Variants in C10orf90 observed in about 807,000 individuals in gnomAD.
The protein encoded by C10orf90 is (E2-independent) E3 ubiquitin-conjugating enzyme FATS.
In C10orf90, 56 loss-of-function variants were observed where a neutral mutation model predicts 62.5. That is an observed-to-expected ratio of 0.90 (90% CI 0.72 to 1.12). C10orf90 has a LOEUF of 1.12. Among genes scored for constraint, C10orf90 ranks in the 50% most tolerant of loss-of-function variants. The pLI is 0.00. For missense variants in C10orf90, 970 were observed against 880.4 expected (o/e 1.10, Z -1.29); for synonymous variants, 386 against 340.4 (o/e 1.13, Z -1.47).
Position 126,504,998 on chromosome 10 carries a change from C to T in C10orf90, c.493G>A (p.Ala165Thr), listed in dbSNP as rs1156892821. 3.1e-6 allele frequency: 5 copies of T among 1,614,074 alleles called. No homozygotes were observed. Among genetic ancestry groups the T allele is most frequent in the East Asian group, 2.2e-5 (1 of 44,874 alleles). The change falls in exon 4 of 10, where the codon GCC becomes ACC. Residue 165 changes from alanine to threonine, a missense_variant. Ala to Thr is a moderately conservative substitution (Grantham distance 58). Coordinates refer to ENST00000488181, the MANE Select transcript of C10orf90 (RefSeq NM_001350921.2). This position sits in a 1 kb window ranked among gnomAD's most constrained non-coding sequence, Gnocchi z 4.1. The part of the protein sequence containing the change: ...IDENKSRENR[A>T]SLPLPCAIAQ... Reference sequence around the variant, plus strand: ...ATGGCACACGGTAGGGGCAAGGAGGCCCTGTTTTCTCTTGACTTATTCTCA... The same window carrying T: ...ATGGCACACGGTAGGGGCAAGGAGGTCCTGTTTTCTCTTGACTTATTCTCA...
chr10:126,596,179 T>C (rs1366421491), intron 2 of C10orf90, among the ~76,000 whole-genome samples: 1 of 149,700 alleles, frequency 6.7e-6, no homozygotes, highest in Non-Finnish European at 1.5e-5. Context: ...AGCACACACC[T>C]GTAGTCTCAG....
chr10:126,543,984 G>A (rs769209016), intron 2 of C10orf90, among the ~76,000 whole-genome samples: 4 of 152,198 alleles, frequency 2.6e-5, no homozygotes, highest in Admixed American at 2.0e-4. Flanking sequence ...GGGCAAGCTG[G>A]CGAGCCCTGT....
intron 6 of C10orf90, among the ~76,000 whole-genome samples, chr10:126,460,891 T>G (rs1007365777): frequency 1.3e-5 from 2 of 152,178 alleles, no homozygotes; most frequent in African/African-American, 4.8e-5. Context: ...TTCTCTGTAT[T>G]TTTTTAAACT....
chr10:126,505,045 A>G lies in C10orf90; in HGVS notation c.446T>C (p.Ile149Thr). Residue 149 changes from isoleucine to threonine, a missense_variant, in exon 4 of 10, where the codon ATA becomes ACA. By Grantham distance (89) the Ile-to-Thr change is moderately conservative. Coordinates refer to ENST00000488181, the MANE Select transcript of C10orf90 (RefSeq NM_001350921.2). ...CTCATCAATCATCTGGGAGATGACTATGGATGAAATCATTTTTGTGTTTTG... is the reference window on the plus strand; with the variant it reads ...CTCATCAATCATCTGGGAGATGACTGTGGATGAAATCATTTTTGTGTTTTG... Reference protein sequence around the residue: ...ASQNTKMISSIVISQMIDENK... With the variant: ...ASQNTKMISSTVISQMIDENK... 6.2e-7 allele frequency: 1 copy of G among 1,612,028 alleles called. No individual in the cohort carries two copies. The highest frequency in any genetic ancestry group is 1.3e-5 in the African/African-American group (1 of 74,942).
At chr10:126,430,160 C>A (rs866540099) in intron 7 of C10orf90, among the ~76,000 whole-genome samples, 7 of 152,076 alleles carry the variant, frequency 4.6e-5, no homozygotes, top group Non-Finnish European at 7.4e-5. Context: ...GAGAAAAGTG[C>A]CAGAGTGCAA....
chr10:126,629,162 C>T (rs999266652), intron 2 of C10orf90, among the ~76,000 whole-genome samples: 12 of 152,164 alleles, frequency 7.9e-5, no homozygotes, highest in African/African-American at 2.2e-4. Flanking sequence ...TGCTCACGAA[C>T]GATGAAGGCT....
At chr10:126,537,734 G>C (rs1031087726) in intron 2 of C10orf90, among the ~76,000 whole-genome samples, 9 of 152,080 alleles carry the variant, frequency 5.9e-5, no homozygotes, top group African/African-American at 2.2e-4. Context: ...GTAATTCCCA[G>C]GTTTCAACTT....
At chr10:126,430,236 C>T (rs1286349621) in intron 7 of C10orf90, among the ~76,000 whole-genome samples, 3 of 152,170 alleles carry the variant, frequency 2.0e-5, no homozygotes, top group Admixed American at 2.0e-4. Flanking sequence ...AAGGAAATCC[C>T]CCACCTATCC....
intron 2 of C10orf90, among the ~76,000 whole-genome samples, chr10:126,607,543 A>G (rs1192099715): frequency 6.6e-6 from 1 of 152,254 alleles, no homozygotes; most frequent in Non-Finnish European, 1.5e-5. Flanking sequence ...TTAAATTAGA[A>G]TTTTGAGAAC....
chr10:126,531,459 C>CAAAAA, intron 2 of C10orf90, among the ~76,000 whole-genome samples: 2 of 152,270 alleles, frequency 1.3e-5, no homozygotes, highest in Admixed American at 1.3e-4. Flanking sequence ...GAAACCCTGA[C>CAAAAA]ATAGACACAA....
At chr10:126,593,179 T>C (rs758447664) in intron 2 of C10orf90, among the ~76,000 whole-genome samples, 2 of 152,192 alleles carry the variant, frequency 1.3e-5, no homozygotes, top group Non-Finnish European at 2.9e-5. Flanking sequence ...AGCAATCCTA[T>C]TCCTGGATAT....
At chr10:126,434,111 G>T (rs1857758620) in intron 7 of C10orf90, among the ~76,000 whole-genome samples, 1 of 152,148 alleles carries the variant, frequency 6.6e-6, no homozygotes, top group Non-Finnish European at 1.5e-5. Context: ...TCAAGCCCTT[G>T]CCTGTGTCAA....
chr10:126,497,322 C>T (rs73371067), intron 4 of C10orf90, among the ~76,000 whole-genome samples: 30,550 of 151,612 alleles, frequency 0.2, 3,098 homozygotes, highest in Middle Eastern at 0.31. Context: ...GAGTAAACAA[C>T]GCAGGGAGGC....
intron 2 of C10orf90, among the ~76,000 whole-genome samples, chr10:126,575,042 C>A (rs955935341): frequency 1.3e-5 from 2 of 151,816 alleles, no homozygotes; most frequent in Non-Finnish European, 1.5e-5. Flanking sequence ...AAAACAGAAG[C>A]ATTAGAAAGG....
At chr10:126,607,218 A>G (rs769897535) in intron 2 of C10orf90, among the ~76,000 whole-genome samples, 1 of 152,196 alleles carries the variant, frequency 6.6e-6, no homozygotes, top group Non-Finnish European at 1.5e-5. Flanking sequence ...GGAAGCCAGG[A>G]AAAGTGTTTT....
intron 4 of C10orf90, among the ~76,000 whole-genome samples, chr10:126,487,687 C>A (rs1048842475): frequency 3.3e-5 from 5 of 151,978 alleles, no homozygotes; most frequent in Non-Finnish European, 7.4e-5. Flanking sequence ...GATGCACCAC[C>A]AAAAGGAACA....
chr10:126,502,844 A>G (rs750280369), intron 4 of C10orf90: 7 of 522,950 alleles, frequency 1.3e-5, no homozygotes, highest in Non-Finnish European at 2.3e-5. Flanking sequence ...TCTGTAAGAC[A>G]TGCATTTCAA....
chr10:126,642,405 G>A (rs1226834944), intron 2 of C10orf90, among the ~76,000 whole-genome samples: 6 of 152,126 alleles, frequency 3.9e-5, no homozygotes, highest in Non-Finnish European at 5.9e-5. Context: ...GGTGGCGGGC[G>A]CCTGTAGTCC....
intron 2 of C10orf90, chr10:126,521,384 T>C (rs965946100): frequency 2.5e-6 from 4 of 1,611,774 alleles, no homozygotes; most frequent in African/African-American, 1.3e-5. Flanking sequence ...CAAGGATGTA[T>C]TTGGCGACAT....
Sources: gnomAD v4.1 joint callset for allele counts (sites outside exome capture counted in the v4.1 genomes callset) on GRCh38, gnomAD v4.1.1 for gene constraint, Gnocchi (gnomAD v3.1) non-coding constraint, MANE v1.5 for transcripts, NCBI Gene and HGNC (gene_info 2026-07-23, HGNC 2026-07-21) for gene names.